ETFDH: variants seen among roughly 807,000 people sequenced by gnomAD.
The protein encoded by ETFDH is electron transfer flavoprotein dehydrogenase, also known as electron transfer flavoprotein-ubiquinone oxidoreductase, mitochondrial.
A neutral mutation model predicts 73.2 loss-of-function variants in ETFDH; 61 were observed. The observed-to-expected ratio is 0.83, with a 90% CI of 0.68 to 1.03. The LOEUF (loss-of-function observed/expected upper bound fraction) is 1.03, where lower values mean the gene tolerates loss of function less well. ETFDH is among the 50% of genes least tolerant of loss of function. The pLI, the probability that ETFDH is intolerant of heterozygous loss-of-function variation, is 0.00. For missense variants in ETFDH, 685 were observed against 745.0 expected, an observed-to-expected ratio of 0.92 and a Z score of 0.94; for synonymous variants, 243 against 253.3, an observed-to-expected ratio of 0.96 and a Z score of 0.39.
At chr4:158,688,390 CAAAAAA>C (rs34614893) in intron 5 of ETFDH, among the ~76,000 whole-genome samples, 2 of 100,134 alleles carry the variant, frequency 2.0e-5, no homozygotes. Flanking sequence ...GACTCTGTCT[CAAAAAA>C]AAAAAAAAAA....
intron 4 of ETFDH, 196 bp from the exon 5 acceptor site, chr4:158,684,905 C>A: frequency 1.6e-6 from 1 of 615,710 alleles, no homozygotes; most frequent in Non-Finnish European, 2.9e-6. Context: ...GAATTTCTAA[C>A]TTAGTGCTTT....
chr4:158,672,337 G>A lies in ETFDH; in HGVS notation c.-120G>A. ...CGGCAGAGCGGGGAGGCGAACTGCA[G>A]CAGAGTTCTTGCTTTCCGGCAGGTG... On this transcript the variant is annotated 5_prime_UTR_variant, in exon 1 of 13. Transcript: ENST00000511912. 1 of 1,003,110 alleles carries A rather than the reference G, an allele frequency of 1.0e-6. No individual in the cohort carries two copies. Among genetic ancestry groups the A allele is most frequent in the Admixed American group, 1.7e-5 (1 of 59,142 alleles). 62.1% of individuals were successfully genotyped at this position (1,003,110 alleles called of 1,614,324 possible). A position where few individuals can be genotyped will look rare whatever the true frequency, so the allele number is the denominator to read the frequency against.
intron 2 of ETFDH, 62 bp from the exon 3 acceptor site, chr4:158,682,131 CTG>C: frequency 6.2e-7 from 1 of 1,606,766 alleles, no homozygotes; most frequent in Non-Finnish European, 8.5e-7. Context: ...TATTTTTTAA[CTG>C]TCATGTGATT....
intron 11 of ETFDH, 55 bp from the exon 12 acceptor site, chr4:158,706,571 TAAG>T: frequency 7.0e-7 from 1 of 1,428,790 alleles, no homozygotes; most frequent in South Asian, 1.1e-5. Context: ...CAAATAGGCT[TAAG>T]AAAAAGTACT....
intron 1 of ETFDH, 79 bp downstream of exon 1, chr4:158,672,569 C>G: frequency 7.4e-7 from 1 of 1,359,250 alleles, no homozygotes; most frequent in Non-Finnish European, 1.1e-6. Context: ...GCTGTAGGCA[C>G]CTCTCGCCCC....
intron 6 of ETFDH, among the ~76,000 whole-genome samples, chr4:158,692,257 G>C (rs1041213939): frequency 6.6e-6 from 1 of 151,752 alleles, no homozygotes; most frequent in African/African-American, 2.4e-5. Flanking sequence ...AAAATTAGCC[G>C]GGCGTAGTGG....
chr4:158,701,941 T>C (rs1032795580), intron 9 of ETFDH, among the ~76,000 whole-genome samples: 4 of 152,202 alleles, frequency 2.6e-5, no homozygotes, highest in Non-Finnish European at 5.9e-5. Flanking sequence ...CAGAAATGTA[T>C]ACCAAGATCC....
rs1774351260 is a variant in ETFDH, at chr4:158,697,777, A to C, written c.972+78A>C. 32 of 1,298,158 alleles carry C rather than the reference A, an allele frequency of 2.5e-5. No individual in the cohort carries two copies. The South Asian group carries it at 3.6e-4, about 15-fold the overall frequency. 80.4% of individuals were successfully genotyped at this position (1,298,158 alleles called of 1,614,324 possible). ...CAGTGTTATAAAATAAGGGTTTTGA[A>C]TCTGAAGACTGTAAAATGCTTTTTA... is the stretch of plus-strand genomic sequence containing the variant. On this transcript the variant is annotated intron_variant, in intron 8 of 12. Transcript: ENST00000511912.
intron 4 of ETFDH, 61 bp downstream of exon 4, chr4:158,684,734 C>A: frequency 1.0e-6 from 1 of 966,810 alleles, no homozygotes; most frequent in Non-Finnish European, 1.7e-6. Context: ...AACTACATTT[C>A]ATCTGACGAA....
intron 7 of ETFDH, among the ~76,000 whole-genome samples, chr4:158,697,295 A>G (rs1774332759): frequency 6.6e-6 from 1 of 152,054 alleles, no homozygotes; most frequent in African/African-American, 2.4e-5. Context: ...GGGTTTTACC[A>G]TGTTGGCCAG....
chr4:158,692,872 A>AG (rs1491164280), intron 6 of ETFDH, among the ~76,000 whole-genome samples: 1 of 88,522 alleles, frequency 1.1e-5, no homozygotes, highest in Non-Finnish European at 2.2e-5. Flanking sequence ...AAAAAAAAAA[A>AG]GATTAAAAAA....
At chr4:158,679,235 T>G (rs1773784429) in intron 1 of ETFDH, 1 of 152,170 alleles carries the variant, frequency 6.6e-6, no homozygotes, top group Admixed American at 6.5e-5. Context: ...TATAAGTTTC[T>G]ATATCTGTCA....
At chr4:158,673,096 G>T (rs1423549387) in intron 1 of ETFDH, among the ~76,000 whole-genome samples, 3 of 152,132 alleles carry the variant, frequency 2.0e-5, no homozygotes, top group Non-Finnish European at 4.4e-5. Flanking sequence ...CTGAGGTCAG[G>T]AGTTCAAGAC....
chr4:158,684,629 G>A lies in ETFDH; in HGVS notation c.443G>A (p.Gly148Glu). 3 of 1,584,862 alleles carry A rather than the reference G, an allele frequency of 1.9e-6. No homozygotes were observed. The highest frequency in any genetic ancestry group is 2.6e-6 in the Non-Finnish European group (3 of 1,153,546). Residue 148 changes from glycine to glutamate, a missense_variant, in exon 4 of 13, where the codon GGA becomes GAA. Gly to Glu is a moderately conservative substitution (Grantham distance 98). Coordinates refer to ENST00000511912, the MANE Select transcript of ETFDH (RefSeq NM_004453.4). ...ACTCCTGTAACAGAAGACAGATTTG[G>A]AATTTTAACAGAGAAATACAGAATT... ...LNTPVTEDRFGILTEKYRIPV... is the reference protein window; with the variant it reads ...LNTPVTEDRFEILTEKYRIPV...
intron 10 of ETFDH, among the ~76,000 whole-genome samples, chr4:158,705,412 G>A (rs1774582384): frequency 6.6e-6 from 1 of 152,200 alleles, no homozygotes; most frequent in African/African-American, 2.4e-5. Flanking sequence ...GAGACCCACT[G>A]TACTGTAGTA....
chr4:158,706,117 A>G, intron 10 of ETFDH, 72 bp from the exon 11 acceptor site: 1 of 1,035,508 alleles, frequency 9.7e-7, no homozygotes, highest in South Asian at 1.3e-5. Flanking sequence ...CTATCAAAGT[A>G]GCAAAATACT....
chr4:158,688,365 C>G (rs34507326), intron 5 of ETFDH, among the ~76,000 whole-genome samples: 19,470 of 141,970 alleles, frequency 0.14, 1,726 homozygotes, highest in Middle Eastern at 0.2. Flanking sequence ...GCACTCCAGC[C>G]TGGCAACAGA....
intron 9 of ETFDH, chr4:158,700,990 A>G (rs1774448450): frequency 6.6e-6 from 1 of 152,188 alleles, no homozygotes; most frequent in African/African-American, 2.4e-5. Context: ...AATACTGTCT[A>G]ACTTTTTTCT....
chr4:158,682,384 G>T lies in ETFDH; in HGVS notation c.365G>T (p.Gly122Val). ...HTLSGACLDPGAFKELFPDWK... is the reference protein window; with the variant it reads ...HTLSGACLDPVAFKELFPDWK... Reference sequence around the variant, plus strand: ...CTCTCAGGGGCTTGCCTTGATCCAGGTGCTTTTAAAGAACTCTTCCCAGAC... The same window carrying T: ...CTCTCAGGGGCTTGCCTTGATCCAGTTGCTTTTAAAGAACTCTTCCCAGAC... The change falls in exon 3 of 13, where the codon GGT (glycine) becomes GTT (valine). Residue 122 changes from glycine (G) to valine (V), a missense_variant. Coordinates refer to ENST00000511912, the MANE Select transcript of ETFDH (RefSeq NM_004453.4). 3 of 1,614,176 alleles carry T rather than the reference G, an allele frequency of 1.9e-6. No homozygotes were observed. The highest frequency in any genetic ancestry group is 2.5e-6 in the Non-Finnish European group (3 of 1,180,010).
Sources: allele counts gnomAD v4.1 joint callset (sites outside exome capture counted in the v4.1 genomes callset), GRCh38; gene constraint gnomAD v4.1.1; transcripts MANE v1.5; gene names NCBI Gene and HGNC (gene_info 2026-07-23, HGNC 2026-07-21).